GRAP2: variants seen among roughly 807,000 people sequenced by gnomAD.
GRAP2 encodes GRB2 related adaptor protein 2, also known as GRB2-related adapter protein 2.
GRAP2 carries 31 observed loss-of-function variants against 43.5 expected under a neutral mutation model. That is an observed-to-expected ratio of 0.71 (90% CI 0.54 to 0.96). GRAP2 has a LOEUF of 0.96. Among genes scored for constraint, GRAP2 ranks in the 40% least tolerant of loss-of-function variants. The probability of loss-of-function intolerance (pLI) is 0.00; values close to 1 mark genes in which losing one functional copy is unlikely to be tolerated. For synonymous variants in GRAP2, 156 were observed against 164.8 expected (o/e 0.95, Z 0.41); for missense variants, 371 against 424.4 (o/e 0.87, Z 1.11).
At chr22:39,963,150 TATTA>T (rs1257577346) in intron 4 of GRAP2, among the ~76,000 whole-genome samples, 1 of 152,212 alleles carries the variant, frequency 6.6e-6, no homozygotes, top group Admixed American at 6.5e-5. Flanking sequence ...GCAAAATCAT[TATTA>T]ATTATTTTTA....
At chr22:39,964,715 TA>T (rs386395435) in intron 4 of GRAP2, 48,356 of 306,850 alleles carry the variant, frequency 0.16, 3 homozygotes, top group East Asian at 0.24. Context: ...TAAACTTTTG[TA>T]AAAAAAAAAA....
chr22:39,902,257 A>G (rs1397649489), intron 1 of GRAP2, among the ~76,000 whole-genome samples: 3 of 152,206 alleles, frequency 2.0e-5, no homozygotes, highest in East Asian at 1.9e-4. Context: ...CTTTTGTTCT[A>G]TGCAGCAATG....
rs1300259602 is a variant in GRAP2 at position 39,968,199 on chromosome 22, A to G, written c.617A>G (p.Gln206Arg). The change falls in exon 6 of 8, where the codon CAA becomes CGA. Residue 206 changes from glutamine to arginine, a missense_variant. Coordinates refer to ENST00000344138, the MANE Select transcript of GRAP2 (RefSeq NM_004810.4). ...QQHQHQPQPP[Q>R]YAPAPQQLQQ... ...CACCAGCACCAGCCACAGCCTCCGC[A>G]ATATGCCCCAGCGCCCCAGCAGCTG... The G allele has an allele frequency of 2.5e-6, 4 of 1,609,986 alleles. No individual in the cohort carries two copies. The African/African-American group carries it at 4.0e-5, about 16-fold the overall frequency.
At chr22:39,935,037 A>G (rs2066792496) in intron 1 of GRAP2, among the ~76,000 whole-genome samples, 1 of 152,186 alleles carries the variant, frequency 6.6e-6, no homozygotes, top group Non-Finnish European at 1.5e-5. Context: ...TTTGAGAAAA[A>G]TATTGAATAA....
chr22:39,940,781 A>G (rs944485489), intron 1 of GRAP2, among the ~76,000 whole-genome samples: 2 of 152,170 alleles, frequency 1.3e-5, no homozygotes, highest in Admixed American at 6.5e-5. Flanking sequence ...GATGACCACG[A>G]ATTCTTTGAC....
At chr22:39,968,386 C>T (rs927928236) in intron 6 of GRAP2, 114 bp downstream of exon 6, 2 of 1,263,260 alleles carry the variant, frequency 1.6e-6, no homozygotes, top group South Asian at 2.9e-5. Context: ...GACCCTGGAC[C>T]CCCCCAAATG....
intron 1 of GRAP2, among the ~76,000 whole-genome samples, chr22:39,903,886 G>C (rs1429012922): frequency 1.3e-5 from 2 of 152,082 alleles, no homozygotes; most frequent in Non-Finnish European, 2.9e-5. Context: ...CTGGCACTAG[G>C]CACCAAGTCC....
chr22:39,945,666 AGG>A (rs2066914488), intron 1 of GRAP2, among the ~76,000 whole-genome samples: 2 of 152,256 alleles, frequency 1.3e-5, no homozygotes, highest in Non-Finnish European at 2.9e-5. Context: ...AGAGAATCAC[AGG>A]ATTTGATAGT....
At chr22:39,931,636 A>G (rs1465077767) in intron 1 of GRAP2, among the ~76,000 whole-genome samples, 1 of 152,222 alleles carries the variant, frequency 6.6e-6, no homozygotes, top group Non-Finnish European at 1.5e-5. Flanking sequence ...GCAGATGCCA[A>G]GCATGGAAAA....
At chr22:39,943,603 G>A (rs2066892297) in intron 1 of GRAP2, among the ~76,000 whole-genome samples, 1 of 152,124 alleles carries the variant, frequency 6.6e-6, no homozygotes, top group Non-Finnish European at 1.5e-5. Context: ...AGAGGCTGCA[G>A]CGTCTCACAC....
intron 1 of GRAP2, among the ~76,000 whole-genome samples, chr22:39,909,386 G>GT (rs1381331944): frequency 6.6e-6 from 1 of 152,200 alleles, no homozygotes; most frequent in Non-Finnish European, 1.5e-5. Context: ...ATTTTTAAAT[G>GT]TAAGACGTAA....
At chr22:39,896,189 G>T (rs2066465855), upstream of GRAP2, among the ~76,000 whole-genome samples, 1 of 152,206 alleles carries the variant, frequency 6.6e-6, no homozygotes, top group Admixed American at 6.5e-5. Context: ...ACTGGAAGAA[G>T]AACAGAATGT....
At chr22:39,964,631 T>C in intron 4 of GRAP2, 2 of 657,932 alleles carry the variant, frequency 3.0e-6, no homozygotes, top group South Asian at 3.6e-5. Flanking sequence ...AACCTCTCTA[T>C]TCCCTCCTAT....
intron 1 of GRAP2, among the ~76,000 whole-genome samples, chr22:39,936,719 G>A (rs138379679): frequency 1.9e-3 from 292 of 152,092 alleles, no homozygotes; most frequent in African/African-American, 6.7e-3. Flanking sequence ...ACAGGGTGGT[G>A]GGGGGGACCG....
intron 1 of GRAP2, among the ~76,000 whole-genome samples, chr22:39,917,129 G>A (rs1316722980): frequency 1.3e-5 from 2 of 152,194 alleles, no homozygotes; most frequent in Non-Finnish European, 2.9e-5. Context: ...ATTGATGACA[G>A]CAGAGTGTAA....
intron 1 of GRAP2, among the ~76,000 whole-genome samples, chr22:39,935,879 C>T (rs1163087684): frequency 6.6e-6 from 1 of 152,128 alleles, no homozygotes; most frequent in Non-Finnish European, 1.5e-5. Context: ...AGGAGAGGGG[C>T]GCTGAGCGTA....
At chr22:39,897,279 T>G (rs1319357912), upstream of GRAP2, among the ~76,000 whole-genome samples, 1 of 152,176 alleles carries the variant, frequency 6.6e-6, no homozygotes, top group Non-Finnish European at 1.5e-5. Flanking sequence ...CTCCTGTGTT[T>G]GTCTCTTATA....
chr22:39,901,839 G>A (rs1464084489), intron 1 of GRAP2, among the ~76,000 whole-genome samples: 1 of 152,184 alleles, frequency 6.6e-6, no homozygotes, highest in Non-Finnish European at 1.5e-5. Flanking sequence ...AAAACTTTAT[G>A]TTGAAGTGTA....
At chr22:39,965,288 G>A (rs1291318422) in intron 4 of GRAP2, among the ~76,000 whole-genome samples, 3 of 152,124 alleles carry the variant, frequency 2.0e-5, no homozygotes, top group Non-Finnish European at 2.9e-5. Flanking sequence ...CAGGAGAATC[G>A]CTTGAACCTG....
Sources: allele counts gnomAD v4.1 joint callset (sites outside exome capture counted in the v4.1 genomes callset), GRCh38; gene constraint gnomAD v4.1.1; transcripts MANE v1.5; gene names NCBI Gene and HGNC (gene_info 2026-07-23, HGNC 2026-07-21).